GFRA1: variants seen among roughly 807,000 people sequenced by gnomAD.
GFRA1 encodes the protein GDNF family receptor alpha 1.
A neutral mutation model predicts 51.6 loss-of-function variants in GFRA1; 16 were observed. The observed-to-expected ratio is 0.31, with a 90% CI of 0.21 to 0.47. GFRA1 has a LOEUF of 0.47. GFRA1 is among the 20% of genes least tolerant of loss of function. GFRA1 has a pLI of 1.00. For missense variants in GFRA1, 530 were observed against 594.3 expected (o/e 0.89, Z 1.13); for synonymous variants, 270 against 241.3 (o/e 1.12, Z -1.10).
chr10:116,083,270 G>A (rs544429667), intron 9 of GFRA1, among the ~76,000 whole-genome samples: 29 of 151,990 alleles, frequency 1.9e-4, no homozygotes, highest in Middle Eastern at 3.4e-3. Flanking sequence ...CCCCCTTCCC[G>A]GAGCCAGGAG....
At chr10:116,119,929 TGTG>T (rs1308024360) in intron 6 of GFRA1, among the ~76,000 whole-genome samples, 1 of 152,148 alleles carries the variant, frequency 6.6e-6, no homozygotes, top group Admixed American at 6.5e-5. Context: ...GTGTGGCAAA[TGTG>T]GGGCTGACAA....
chr10:116,134,094 G>A (rs1479958979), intron 5 of GFRA1, among the ~76,000 whole-genome samples: 1 of 152,138 alleles, frequency 6.6e-6, no homozygotes, highest in East Asian at 1.9e-4. Context: ...TTATGAGGTA[G>A]AATAAAACAG....
intron 4 of GFRA1, among the ~76,000 whole-genome samples, chr10:116,214,045 T>C (rs531557424): frequency 4.9e-4 from 75 of 152,260 alleles, no homozygotes; most frequent in African/African-American, 1.7e-3. Flanking sequence ...GATCCAGTAG[T>C]GTATGGGATG....
chr10:116,143,295 TCAAA>T (rs945225597), intron 5 of GFRA1, among the ~76,000 whole-genome samples: 1 of 150,534 alleles, frequency 6.6e-6, no homozygotes, highest in Non-Finnish European at 1.5e-5. Flanking sequence ...AGAGCACTTC[TCAAA>T]CAAACTGGAA....
chr10:116,260,280 A>C (rs975086862), intron 4 of GFRA1, among the ~76,000 whole-genome samples: 1 of 152,230 alleles, frequency 6.6e-6, no homozygotes, highest in Admixed American at 6.5e-5. Context: ...GGACCAACTG[A>C]AACACGTGTC....
Position 116,093,803 on chromosome 10 carries a change from C to T in GFRA1, c.914G>A (p.Ser305Asn), listed in dbSNP as rs1696965589. 3 of 1,614,100 alleles carry T rather than the reference C, an allele frequency of 1.9e-6. No homozygotes were observed. The highest frequency in any genetic ancestry group is 2.7e-5 in the African/African-American group (2 of 75,048). The change falls in exon 8 of 11, where the codon AGT becomes AAT. Residue 305 changes from serine to asparagine, a missense_variant. Physicochemically the swap from Ser to Asn is conservative, Grantham distance 46 (BLOSUM62 1). Transcript: ENST00000355422. The stretch of plus-strand genomic sequence containing the variant: ...ACACCATGGGGCCACACTGAGGCTA[C>T]TGGAGTCTATGTAGTTGGGGGTCAT... ...TVMTPNYIDS[S>N]SLSVAPWCDC... is the part of the protein sequence containing the mutation.
chr10:116,236,508 G>T (rs996104647), intron 4 of GFRA1, among the ~76,000 whole-genome samples: 1 of 152,034 alleles, frequency 6.6e-6, no homozygotes, highest in African/African-American at 2.4e-5. Flanking sequence ...GGAAGCAGGC[G>T]ATCTGAGAAA....
At chr10:116,228,989 A>G (rs1256210047) in intron 4 of GFRA1, among the ~76,000 whole-genome samples, 1 of 142,812 alleles carries the variant, frequency 7.0e-6, no homozygotes, top group African/African-American at 2.8e-5. Context: ...TCAAAAAAAA[A>G]AAAAAAAAAA....
chr10:116,273,663 C>G (rs1565697511), upstream of GFRA1, among the ~76,000 whole-genome samples: 1,011 of 84,404 alleles, frequency 0.012, 9 homozygotes, highest in African/African-American at 0.035. Flanking sequence ...CTCTCTCTCT[C>G]TCTCTCTGTC....
chr10:116,257,558 G>A (rs1348128499), intron 4 of GFRA1, among the ~76,000 whole-genome samples: 1 of 152,024 alleles, frequency 6.6e-6, no homozygotes, highest in African/African-American at 2.4e-5. Flanking sequence ...CTCATTTTTT[G>A]TTTTCCCAGA....
At chr10:116,257,532 G>A (rs1325907293) in intron 4 of GFRA1, among the ~76,000 whole-genome samples, 1 of 152,162 alleles carries the variant, frequency 6.6e-6, no homozygotes, top group East Asian at 1.9e-4. Flanking sequence ...GAGGCTAATA[G>A]CACAGTGCTC....
intron 4 of GFRA1, among the ~76,000 whole-genome samples, chr10:116,240,087 T>C (rs1037842096): frequency 7.2e-5 from 11 of 152,160 alleles, no homozygotes; most frequent in East Asian, 5.8e-4. Flanking sequence ...ACGGAAATCA[T>C]TGCATTTTCA....
chr10:116,146,369 A>T (rs1273049335), intron 5 of GFRA1, among the ~76,000 whole-genome samples: 2 of 152,252 alleles, frequency 1.3e-5, no homozygotes, highest in African/African-American at 4.8e-5. Flanking sequence ...TATTAGTTTG[A>T]GTAATTGTCA....
intron 4 of GFRA1, among the ~76,000 whole-genome samples, chr10:116,228,676 G>A (rs1348230635): frequency 6.6e-6 from 1 of 152,034 alleles, no homozygotes; most frequent in Non-Finnish European, 1.5e-5. Flanking sequence ...GGGGAGGGAA[G>A]CCACAAGTCA....
At chr10:116,184,480 A>G (rs1330886047) in intron 5 of GFRA1, among the ~76,000 whole-genome samples, 1 of 152,202 alleles carries the variant, frequency 6.6e-6, no homozygotes, top group Non-Finnish European at 1.5e-5. Flanking sequence ...GTGGAGCAAC[A>G]CATCTTCCTT....
intron 6 of GFRA1, among the ~76,000 whole-genome samples, chr10:116,104,094 C>G (rs959654052): frequency 2.0e-5 from 3 of 152,192 alleles, no homozygotes; most frequent in Admixed American, 6.5e-5. Flanking sequence ...AAGCTCTGTG[C>G]ATCTTGCATT....
chr10:116,268,423 C>G (rs1297923179), intron 4 of GFRA1, among the ~76,000 whole-genome samples: 1 of 152,168 alleles, frequency 6.6e-6, no homozygotes, highest in Non-Finnish European at 1.5e-5. Flanking sequence ...CTCTAAGATT[C>G]ATGAAGGCAA....
intron 9 of GFRA1, among the ~76,000 whole-genome samples, chr10:116,078,624 G>T (rs1256149713): frequency 6.6e-6 from 1 of 152,172 alleles, no homozygotes; most frequent in Non-Finnish European, 1.5e-5. Context: ...AATAAACTCA[G>T]CCAGAGCAGG....
Position 116,093,708 on chromosome 10 carries a change from A to G in GFRA1, c.1009T>C (p.Cys337Arg), listed in dbSNP as rs202224728. 8.7e-6 allele frequency: 14 copies of G among 1,613,720 alleles called. No homozygotes were observed. Among genetic ancestry groups the G allele is most frequent in the Non-Finnish European group, 3.4e-6 (4 of 1,179,714 alleles). Residue 337 changes from cysteine (C) to arginine (R), a missense_variant, in exon 8 of 11, where the codon TGT becomes CGT. Cys to Arg is a radical substitution (Grantham distance 180, BLOSUM62 -3). Coordinates refer to ENST00000355422, the MANE Select transcript of GFRA1 (RefSeq NM_005264.8). ...KFLNFFKDNT[C>R]LKNAIQAFGN... ...TTATTTTTTACAAACTCACTAAGACATGTATTGTCCTTGAAGAAATTCAAA... is the reference window on the plus strand; with the variant it reads ...TTATTTTTTACAAACTCACTAAGACGTGTATTGTCCTTGAAGAAATTCAAA...
Sources: gnomAD v4.1 joint callset for allele counts (sites outside exome capture counted in the v4.1 genomes callset) on GRCh38, gnomAD v4.1.1 for gene constraint, MANE v1.5 for transcripts, NCBI Gene and HGNC (gene_info 2026-07-23, HGNC 2026-07-21) for gene names.